The following ANKRD44 variants were observed in gnomAD, a reference collection of about 807,000 sequenced individuals.
ANKRD44 encodes the protein serine/threonine-protein phosphatase 6 regulatory ankyrin repeat subunit B.
Under a neutral mutation model 116.0 loss-of-function variants are expected in ANKRD44, and 35 were observed. That is an observed-to-expected ratio of 0.30 (90% confidence interval 0.23 to 0.40). The LOEUF is 0.40. Ranked by LOEUF, ANKRD44 falls within the 10% of genes least tolerant of loss-of-function variation. ANKRD44 has a pLI of 1.00. For missense variants in ANKRD44, 1,014 were observed against 1,242.6 expected (o/e 0.82, Z 2.77); for synonymous variants, 435 against 461.8 (o/e 0.94, Z 0.74).
At chr2:197,126,678 A>G (rs2078981588) in intron 4 of ANKRD44, among the ~76,000 whole-genome samples, 1 of 152,078 alleles carries the variant, frequency 6.6e-6, no homozygotes, top group Non-Finnish European at 1.5e-5. Flanking sequence ...TATGCAATGG[A>G]GTCATCCATG....
At chr2:197,274,311 G>A (rs1444975526) in intron 1 of ANKRD44, among the ~76,000 whole-genome samples, 1 of 152,072 alleles carries the variant, frequency 6.6e-6, no homozygotes, top group Non-Finnish European at 1.5e-5. Context: ...GTTGCTCTGA[G>A]GCACAGTGAG....
intron 1 of ANKRD44, among the ~76,000 whole-genome samples, chr2:197,213,831 C>CTT (rs141855185): frequency 1.3e-5 from 2 of 151,742 alleles, no homozygotes; most frequent in African/African-American, 4.9e-5. Flanking sequence ...AAGCTTAGAA[C>CTT]TCTTTCTCTT....
intron 20 of ANKRD44, among the ~76,000 whole-genome samples, chr2:197,006,560 C>T (rs2076206630): frequency 6.6e-6 from 1 of 152,212 alleles, no homozygotes; most frequent in Non-Finnish European, 1.5e-5. Flanking sequence ...CTCCATCCCT[C>T]ACTCTATTCA....
intron 21 of ANKRD44, among the ~76,000 whole-genome samples, chr2:197,005,437 C>T (rs1006541759): frequency 2.6e-5 from 4 of 152,066 alleles, no homozygotes; most frequent in African/African-American, 4.8e-5. Flanking sequence ...TTAAGCTTAT[C>T]GGTTCTGATT....
In ANKRD44 at chr2:197,201,784, G is replaced by A. The variant is rs771725005; in HGVS notation, c.28-14678C>T. 2.6e-5 allele frequency among the ~76,000 whole-genome samples: 4 copies of A among 152,182 alleles called. No homozygotes were observed. The highest frequency in any genetic ancestry group is 7.2e-5 in the African/African-American group (3 of 41,440). On this transcript the variant is annotated intron_variant, in intron 1 of 27. Coordinates refer to ENST00000282272, the MANE Select transcript of ANKRD44 (RefSeq NM_001195144.2). This position sits in a 1 kb window ranked among gnomAD's most constrained non-coding sequence, Gnocchi z 4.0. ...CTAATGATCCCATCGCCCAAGTAGT[G>A]AACATAGTGCCCCATAGGTAGTTTT... is the stretch of plus-strand genomic sequence containing the variant.
Position 197,007,846 on chromosome 2 carries a change from T to A in ANKRD44, c.2090A>T (p.Asp697Val), listed in dbSNP as rs753449812. Residue 697 changes from aspartate (D) to valine (V), a missense_variant, in exon 20 of 28, where the codon GAC becomes GTC. Transcript: ENST00000282272. ...TGTGCATCCTAGGATGTCAACAGTG[T>A]CTACGTTGGCTTCCTTTTCAAGTAA... ...SLLLEKEANV[D>V]TVDILGCTAL... 5.0e-6 allele frequency: 8 copies of A among 1,613,984 alleles called. 1 individual carries two copies. The Admixed American group carries it at 1.3e-4, about 27-fold the overall frequency.
At chr2:197,037,500 G>A (rs1219145798) in intron 16 of ANKRD44, among the ~76,000 whole-genome samples, 1 of 152,176 alleles carries the variant, frequency 6.6e-6, no homozygotes, top group Non-Finnish European at 1.5e-5. Context: ...TTATAGAACT[G>A]AATTTAAATC....
At chr2:197,049,642 G>A (rs2077068289) in intron 16 of ANKRD44, among the ~76,000 whole-genome samples, 1 of 151,706 alleles carries the variant, frequency 6.6e-6, no homozygotes, top group Non-Finnish European at 1.5e-5. Flanking sequence ...AATCTCTACT[G>A]TATGATTTTT....
intron 16 of ANKRD44, among the ~76,000 whole-genome samples, chr2:197,068,779 T>C (rs1278640271): frequency 6.6e-6 from 1 of 152,158 alleles, no homozygotes; most frequent in African/African-American, 2.4e-5. Flanking sequence ...AGAATGGCAG[T>C]CATTAAAGTC....
chr2:197,215,412 AG>A (rs1166741635), intron 1 of ANKRD44, among the ~76,000 whole-genome samples: 1 of 152,162 alleles, frequency 6.6e-6, no homozygotes, highest in African/African-American at 2.4e-5. Flanking sequence ...TGGCCGCATG[AG>A]GTTCTCTCAG....
intron 1 of ANKRD44, among the ~76,000 whole-genome samples, chr2:197,196,429 T>G (rs2080950455): frequency 6.6e-6 from 1 of 152,204 alleles, no homozygotes; most frequent in Non-Finnish European, 1.5e-5. Context: ...AATAAAAAAG[T>G]ATTCCTTATA....
rs373052786 is a variant in ANKRD44, at chr2:197,023,421, C to G, written c.1722+1775G>C. Among the ~76,000 whole-genome samples the G allele has an allele frequency of 3.9e-5, 6 of 152,128 alleles. No homozygotes were observed. The East Asian group carries it at 5.8e-4, about 15-fold the overall frequency. On this transcript the variant is annotated intron_variant, in intron 17 of 27. Transcript: ENST00000282272. ...TAATGAAAAGAATGGCAGCTAGGAC[C>G]TCCACTTGATGTACCTTTCCTGGGT...
Position 197,025,217 on chromosome 2 carries a change from A to T in ANKRD44, c.1701T>A (p.Thr567=). 6.2e-7 allele frequency: 1 copy of T among 1,612,814 alleles called. No individual in the cohort carries two copies. The highest frequency in any genetic ancestry group is 8.5e-7 in the Non-Finnish European group (1 of 1,178,926). The stretch of plus-strand genomic sequence containing the variant: ...TTACAGCTAAGTGGAGTGGACTCTT[A>T]GTAGCACCAGAATCTGATTCTTCAA... The part of the protein sequence containing the change: ...SGFEESDSGA[T]KSPLHLAAYN... The change falls in exon 17 of 28, where the codon ACT becomes ACA. Residue 567 remains threonine, a synonymous_variant. Transcript: ENST00000282272.
chr2:196,998,523 C>A, intron 24 of ANKRD44, 104 bp from the exon 25 acceptor site: 2 of 805,466 alleles, frequency 2.5e-6, no homozygotes, highest in South Asian at 3.3e-5. Flanking sequence ...TAGTACAGTT[C>A]ACATAATCAT....
chr2:197,193,338 C>T (rs897323459), intron 1 of ANKRD44, among the ~76,000 whole-genome samples: 1 of 152,118 alleles, frequency 6.6e-6, no homozygotes, highest in Non-Finnish European at 1.5e-5. Flanking sequence ...AACTTTGTTA[C>T]CAGTTACAGA....
At chr2:197,094,953 A>G (rs1288306665) in intron 10 of ANKRD44, among the ~76,000 whole-genome samples, 1 of 152,194 alleles carries the variant, frequency 6.6e-6, no homozygotes, top group Non-Finnish European at 1.5e-5. Context: ...TAGAATCTCA[A>G]TAAACTTGTT....
intron 2 of ANKRD44, among the ~76,000 whole-genome samples, chr2:197,170,351 G>A (rs1361986355): frequency 2.0e-5 from 3 of 152,308 alleles, no homozygotes; most frequent in Admixed American, 1.3e-4. Context: ...AAGGAAATTT[G>A]TGGTAGAAGT....
chr2:197,050,345 T>C (rs1374390387), intron 16 of ANKRD44, among the ~76,000 whole-genome samples: 4 of 152,066 alleles, frequency 2.6e-5, no homozygotes, highest in Middle Eastern at 6.9e-3. Context: ...GGGACACATA[T>C]CCAAATCACA....
At chr2:197,084,971 T>A (rs1271867219) in intron 13 of ANKRD44, among the ~76,000 whole-genome samples, 1 of 152,136 alleles carries the variant, frequency 6.6e-6, no homozygotes, top group Non-Finnish European at 1.5e-5. Context: ...ACATACCTCA[T>A]AGTGTTAGTA....
Sources: gnomAD v4.1 joint callset for allele counts (sites outside exome capture counted in the v4.1 genomes callset) on GRCh38, gnomAD v4.1.1 for gene constraint, Gnocchi (gnomAD v3.1) non-coding constraint, MANE v1.5 for transcripts, NCBI Gene and HGNC (gene_info 2026-07-23, HGNC 2026-07-21) for gene names.